Variants in CYB5A observed in about 807,000 individuals in gnomAD.
CYB5A encodes cytochrome b5.
CYB5A carries 10 observed loss-of-function variants against 16.2 expected under a neutral mutation model. The observed-to-expected ratio is 0.62, with a 90% CI of 0.38 to 1.04. The LOEUF (loss-of-function observed/expected upper bound fraction) is 1.04, where lower values mean the gene tolerates loss of function less well. CYB5A is among the 50% of genes least tolerant of loss of function. The probability of loss-of-function intolerance (pLI) is 0.01; values close to 1 mark genes in which losing one functional copy is unlikely to be tolerated. For missense variants in CYB5A, 161 were observed against 165.9 expected, an observed-to-expected ratio of 0.97 and a Z score of 0.16; for synonymous variants, 62 against 57.0, an observed-to-expected ratio of 1.09 and a Z score of -0.40.
intron 1 of CYB5A, among the ~76,000 whole-genome samples, chr18:74,276,695 G>C (rs1436466948): frequency 6.6e-6 from 1 of 152,118 alleles, no homozygotes; most frequent in Non-Finnish European, 1.5e-5. Flanking sequence ...GCTTAACCAA[G>C]CAAAAATGAA....
chr18:74,282,310 C>G (rs1386709373), intron 1 of CYB5A, among the ~76,000 whole-genome samples: 4 of 152,238 alleles, frequency 2.6e-5, no homozygotes, highest in African/African-American at 9.6e-5. Flanking sequence ...TGTTTCTCCA[C>G]CAGGCTCTCC....
intron 1 of CYB5A, among the ~76,000 whole-genome samples, chr18:74,266,167 T>C (rs940474078): frequency 6.6e-6 from 1 of 152,240 alleles, no homozygotes; most frequent in African/African-American, 2.4e-5. Flanking sequence ...CCGAAACTTC[T>C]GGATTCCTCG....
At chr18:74,253,716 A>G (rs1450189341) in intron 4 of CYB5A, 51 bp from the exon 5 acceptor site, 1 of 1,299,552 alleles carries the variant, frequency 7.7e-7, no homozygotes, top group Admixed American at 1.7e-5. Context: ...ACTGTGGTGG[A>G]CTCAAAATCT....
chr18:74,255,845 T>A lies in CYB5A; in HGVS notation c.289-70A>T, dbSNP rs1981957075. The A allele has an allele frequency of 2.5e-6, 3 of 1,211,572 alleles. No homozygotes were observed. The African/African-American group carries it at 4.5e-5, about 18-fold the overall frequency. The allele number at this position is 1,211,572 out of a possible 1,614,324, so 75.1% of individuals were successfully genotyped here. On this transcript the variant is annotated intron_variant, in intron 3 of 4. Transcript: ENST00000340533. ...GAACTTATTTCATTGACTAAAATCC[T>A]GTTTGAAAATAAGAACACAATATTT...
intron 1 of CYB5A, among the ~76,000 whole-genome samples, chr18:74,287,951 A>G (rs1346316007): frequency 6.6e-6 from 1 of 152,220 alleles, no homozygotes; most frequent in Non-Finnish European, 1.5e-5. Context: ...TTCTATGATC[A>G]AGCAAAGACT....
chr18:74,260,461 A>G (rs1400226711), intron 3 of CYB5A: 2 of 245,526 alleles, frequency 8.1e-6, no homozygotes, highest in Non-Finnish European at 1.6e-5. Context: ...TAATTTCATT[A>G]AATTCATCTG....
chr18:74,256,218 A>G (rs890658772), intron 3 of CYB5A: 2 of 177,070 alleles, frequency 1.1e-5, no homozygotes, highest in East Asian at 1.6e-4. Flanking sequence ...AAAAAAGTGT[A>G]CCTAAATTAC....
intron 1 of CYB5A, among the ~76,000 whole-genome samples, chr18:74,264,492 C>CGT (rs1555688790): frequency 6.6e-6 from 1 of 151,986 alleles, no homozygotes; most frequent in African/African-American, 2.4e-5. Context: ...ACAAGAGGCA[C>CGT]GTGTGTCACT....
chr18:74,256,301 C>T (rs112993919), intron 3 of CYB5A: 250 of 168,028 alleles, frequency 1.5e-3, no homozygotes, highest in African/African-American at 5.6e-3. Context: ...CCAACTTTCC[C>T]GGGGGGCTGC....
chr18:74,286,615 G>A (rs1235584715), intron 1 of CYB5A, among the ~76,000 whole-genome samples: 1 of 152,172 alleles, frequency 6.6e-6, no homozygotes, highest in Admixed American at 6.5e-5. Context: ...TACCTGACTT[G>A]CCCAAGGTCA....
chr18:74,259,853 G>A (rs1360523446), intron 3 of CYB5A: 1 of 152,020 alleles, frequency 6.6e-6, no homozygotes, highest in Non-Finnish European at 1.5e-5. Flanking sequence ...TTGTCACAGA[G>A]GCCATTGAAA....
At chr18:74,262,518 G>T (rs993908835) in intron 2 of CYB5A, among the ~76,000 whole-genome samples, 1 of 151,774 alleles carries the variant, frequency 6.6e-6, no homozygotes, top group Non-Finnish European at 1.5e-5. Flanking sequence ...GTTGGTCAAT[G>T]AATTGGTCCA....
chr18:74,291,914 C>A lies in CYB5A; in HGVS notation c.-39G>T. 4 of 1,606,952 alleles carry A rather than the reference C, an allele frequency of 2.5e-6. No individual in the cohort carries two copies. Among genetic ancestry groups the A allele is most frequent in the Non-Finnish European group, 1.7e-6 (2 of 1,179,746 alleles). The stretch of plus-strand genomic sequence containing the variant: ...GAGCCAGGCCCAGCACACACAGCCC[C>A]GTCGGGTGGAGCAGAGCGCGCGACT... On this transcript the variant is annotated 5_prime_UTR_variant, in exon 1 of 5. Transcript: ENST00000340533.
intron 1 of CYB5A, among the ~76,000 whole-genome samples, chr18:74,289,013 C>A (rs1251984833): frequency 1.3e-5 from 2 of 152,140 alleles, no homozygotes; most frequent in East Asian, 3.9e-4. Context: ...TCTCGCAATG[C>A]CTGAAGATCC....
At chr18:74,285,869 G>C (rs1244356829) in intron 1 of CYB5A, among the ~76,000 whole-genome samples, 3 of 143,046 alleles carry the variant, frequency 2.1e-5, no homozygotes, top group South Asian at 2.2e-4. Flanking sequence ...AAAAAAAGTA[G>C]AAGTGTACAT....
At chr18:74,264,424 C>T (rs1982350665) in intron 1 of CYB5A, among the ~76,000 whole-genome samples, 1 of 152,144 alleles carries the variant, frequency 6.6e-6, no homozygotes, top group African/African-American at 2.4e-5. Flanking sequence ...AGACTGACTT[C>T]TCTGACATCT....
chr18:74,271,937 A>C (rs1345369090), intron 1 of CYB5A, among the ~76,000 whole-genome samples: 1 of 152,234 alleles, frequency 6.6e-6, no homozygotes, highest in Non-Finnish European at 1.5e-5. Flanking sequence ...CTGTTTCACC[A>C]TCTTGCCAAC....
rs369726408 is a variant in CYB5A, at chr18:74,255,655, C to G, written c.323+86G>C. ...GACAGCACAGTGTCAGGCCCAGGAA[C>G]CCAGAAGGTGGGGGACGCACCTTGT... On this transcript the variant is annotated intron_variant, in intron 4 of 4. Coordinates refer to ENST00000340533, the MANE Select transcript of CYB5A (RefSeq NM_148923.4). 7.4e-4 allele frequency: 828 copies of G among 1,119,652 alleles called. 9 individuals are homozygous for G. In the Middle Eastern group the frequency reaches 8.4e-3, roughly 11 times the overall value. 69.4% of individuals were successfully genotyped at this position (1,119,652 alleles called of 1,614,324 possible). A position where few individuals can be genotyped will look rare whatever the true frequency, so the allele number is the denominator to read the frequency against.
intron 1 of CYB5A, among the ~76,000 whole-genome samples, chr18:74,289,031 C>T (rs1983427532): frequency 6.6e-6 from 1 of 152,162 alleles, no homozygotes; most frequent in Admixed American, 6.5e-5. Context: ...TCCCTCCAAC[C>T]TCTTAAAGTC....
Sources: gnomAD v4.1 joint callset for allele counts (sites outside exome capture counted in the v4.1 genomes callset) on GRCh38, gnomAD v4.1.1 for gene constraint, MANE v1.5 for transcripts, NCBI Gene and HGNC (gene_info 2026-07-23, HGNC 2026-07-21) for gene names.